STOX2: variants seen among roughly 807,000 people sequenced by gnomAD.
STOX2 encodes storkhead-box protein 2.
A neutral mutation model predicts 60.9 loss-of-function variants in STOX2; 28 were observed. That is an observed-to-expected ratio of 0.46 (90% CI 0.34 to 0.63). The LOEUF is 0.63. Among genes scored for constraint, STOX2 ranks in the 30% least tolerant of loss-of-function variants. The probability of loss-of-function intolerance (pLI) is 0.01; values close to 1 mark genes in which losing one functional copy is unlikely to be tolerated. For synonymous variants in STOX2, 472 were observed against 463.9 expected (o/e 1.02, Z -0.22); for missense variants, 1,024 against 1,187.7 (o/e 0.86, Z 2.03).
intron 1 of STOX2, among the ~76,000 whole-genome samples, chr4:183,803,309 C>G (rs1738810433): frequency 6.6e-6 from 1 of 152,040 alleles, no homozygotes; most frequent in South Asian, 2.1e-4. Flanking sequence ...CTCCTGGCCT[C>G]AAGCAGTCCT....
intron 1 of STOX2, among the ~76,000 whole-genome samples, chr4:183,846,862 G>A (rs1740002482): frequency 1.3e-5 from 2 of 151,648 alleles, no homozygotes; most frequent in South Asian, 4.2e-4. Flanking sequence ...TTTGAATATT[G>A]TAATGTGATA....
At position 183,895,477 on chromosome 4, in the gene STOX2, A is replaced by T. The variant is rs182236485; in HGVS notation, c.364+97422A>T. 1.1e-3 allele frequency among the ~76,000 whole-genome samples: 174 copies of T among 152,228 alleles called. 1 individual carries two copies. The highest frequency in any genetic ancestry group is 3.4e-3 in the African/African-American group (142 of 41,528). The stretch of plus-strand genomic sequence containing the variant: ...AGGCACTAGGCATAAAATGATTATA[A>T]AGTGAAATCTCCCCTGGCCACCCCA... On this transcript the variant is annotated intron_variant, in intron 1 of 2. Transcript: ENST00000513034.
At chr4:183,929,368 G>A (rs1312963416) in intron 1 of STOX2, among the ~76,000 whole-genome samples, 2 of 152,316 alleles carry the variant, frequency 1.3e-5, no homozygotes, top group African/African-American at 4.8e-5. Context: ...AGATAAACGC[G>A]TTAGGAATTC....
intron 1 of STOX2, among the ~76,000 whole-genome samples, chr4:183,813,210 C>T (rs1202302948): frequency 1.3e-5 from 2 of 152,062 alleles, no homozygotes; most frequent in African/African-American, 4.8e-5. Flanking sequence ...TGGTGAAAAC[C>T]CGTCTCTACT....
intron 1 of STOX2, among the ~76,000 whole-genome samples, chr4:183,831,204 T>C (rs1316232122): frequency 6.6e-6 from 1 of 152,080 alleles, no homozygotes; most frequent in Non-Finnish European, 1.5e-5. Flanking sequence ...AGAAGACGAT[T>C]TGAAAGGCAG....
rs1734070624 is a variant in STOX2 at position 184,009,979 on chromosome 4, G to A, written c.1141G>A (p.Gly381Arg). ...TCACAGCAAGACACGGGTGTCTAAA[G>A]GAGACCCTTCCGACGGTTCACATCT... ...RSHSKTRVSK[G>R]DPSDGSHLDI... Residue 381 changes from glycine to arginine, a missense_variant, in exon 3 of 4, where the codon GGA becomes AGA. This residue lies in a region of STOX2 where 922 missense variants were observed against 1,058.3 expected (regional missense o/e 0.87). Coordinates refer to ENST00000308497, the MANE Select transcript of STOX2 (RefSeq NM_020225.3). The surrounding 1 kb of genome is among the most constrained non-coding windows in gnomAD (Gnocchi z 4.0). 6.2e-7 allele frequency: 1 copy of A among 1,613,932 alleles called. No individual in the cohort carries two copies. The highest frequency in any genetic ancestry group is 2.2e-5 in the East Asian group (1 of 44,884).
chr4:183,904,764 G>T (rs1741541844), upstream of STOX2, among the ~76,000 whole-genome samples: 1 of 152,188 alleles, frequency 6.6e-6, no homozygotes, highest in Non-Finnish European at 1.5e-5. Context: ...ATCCTGCTCT[G>T]CCTGGTTCTT....
At chr4:183,844,482 A>G (rs556379250) in intron 1 of STOX2, among the ~76,000 whole-genome samples, 34 of 152,234 alleles carry the variant, frequency 2.2e-4, no homozygotes, top group Non-Finnish European at 4.4e-4. Flanking sequence ...AAATGGAGTC[A>G]CCTCTTTTTC....
chr4:183,838,278 T>A (rs939449060), intron 1 of STOX2, among the ~76,000 whole-genome samples: 36 of 150,848 alleles, frequency 2.4e-4, no homozygotes, highest in African/African-American at 8.3e-4. Flanking sequence ...TATATTGAAA[T>A]ACTTAAATAA....
At chr4:183,870,636 T>C (rs564039418) in intron 1 of STOX2, among the ~76,000 whole-genome samples, 8 of 152,322 alleles carry the variant, frequency 5.3e-5, no homozygotes, top group Non-Finnish European at 7.4e-5. Flanking sequence ...AGAATGAGAG[T>C]ACAATATACT....
chr4:183,964,730 A>C (rs1020767463), intron 1 of STOX2, among the ~76,000 whole-genome samples: 10 of 152,082 alleles, frequency 6.6e-5, no homozygotes, highest in African/African-American at 9.7e-5. Context: ...TTACAGGTGC[A>C]TGCCACCATG....
chr4:183,842,266 C>A (rs1248752329), intron 1 of STOX2, among the ~76,000 whole-genome samples: 1 of 152,124 alleles, frequency 6.6e-6, no homozygotes, highest in Non-Finnish European at 1.5e-5. Context: ...TTACTAGTTC[C>A]ATACGACGTG....
At chr4:183,952,586 G>T (rs1743125918) in intron 1 of STOX2, among the ~76,000 whole-genome samples, 1 of 152,204 alleles carries the variant, frequency 6.6e-6, no homozygotes, top group South Asian at 2.1e-4. Context: ...GAAATAGAAA[G>T]AACAGAATAA....
intron 1 of STOX2, among the ~76,000 whole-genome samples, chr4:183,884,979 C>A (rs927084499): frequency 6.6e-6 from 1 of 152,168 alleles, no homozygotes; most frequent in Non-Finnish European, 1.5e-5. Flanking sequence ...GCGTCGCGTC[C>A]CCGTCGCCAC....
In STOX2 at chr4:183,906,422, C is replaced by T. The variant is rs550197257; in HGVS notation, c.-369C>T. 2.7e-3 allele frequency: 498 copies of T among 182,918 alleles called. 1 individual carries two copies. The highest frequency in any genetic ancestry group is 0.011 in the African/African-American group (473 of 42,550). The allele number at this position is 182,918 out of a possible 1,614,324, so 11.3% of individuals were successfully genotyped here. ...GCGCTGAATCGGGCCATTGTCTGCG[C>T]TCCCATTGCCTTCACGCTGCAAGTC... On this transcript the variant is annotated 5_prime_UTR_variant, in exon 1 of 4. Coordinates refer to ENST00000308497, the MANE Select transcript of STOX2 (RefSeq NM_020225.3).
In STOX2 at chr4:183,955,472, T is replaced by C. The variant is rs28528783; in HGVS notation, c.167-45853T>C. 8.3e-3 allele frequency among the ~76,000 whole-genome samples: 1,260 copies of C among 152,318 alleles called. 16 individuals are homozygous for C. The highest frequency in any genetic ancestry group is 0.028 in the African/African-American group (1,157 of 41,560). Reference sequence around the variant, plus strand: ...CCAAGTACTCTAGTATCTCAGGCAATCTAGGTATTCCTCCCTGTTCTTGGA... The same window carrying C: ...CCAAGTACTCTAGTATCTCAGGCAACCTAGGTATTCCTCCCTGTTCTTGGA... On this transcript the variant is annotated intron_variant, in intron 1 of 3. Coordinates refer to ENST00000308497, the MANE Select transcript of STOX2 (RefSeq NM_020225.3).
In STOX2 at chr4:183,856,998, GGGAGGGGTTT is replaced by G. The variant is rs571508832; in HGVS notation, c.364+58959_364+58968del. On this transcript the variant is annotated intron_variant, in intron 1 of 2. Coordinates refer to the STOX2 transcript ENST00000513034. This position sits in a 1 kb window ranked among gnomAD's most constrained non-coding sequence, Gnocchi z 4.0. Reference sequence around the variant, plus strand: ...TAGATTAAATTGTGTGGTAGAGGCTGGGAGGGGTTTGGAGGGGTTTGGAGGACAGGAAGTT... The same window carrying G: ...TAGATTAAATTGTGTGGTAGAGGCTGGGAGGGGTTTGGAGGACAGGAAGTT... 7.1e-3 allele frequency among the ~76,000 whole-genome samples: 1,088 copies of G among 152,278 alleles called. 10 individuals carry two copies. The highest frequency in any genetic ancestry group is 0.025 in the African/African-American group (1,037 of 41,532).
At chr4:183,835,073 A>T (rs1247687825) in intron 1 of STOX2, among the ~76,000 whole-genome samples, 2 of 152,022 alleles carry the variant, frequency 1.3e-5, no homozygotes, top group Non-Finnish European at 2.9e-5. Context: ...GTGAGATTGA[A>T]TTCTAGCTCC....
chr4:183,975,285 A>G (rs1052925305), intron 1 of STOX2, among the ~76,000 whole-genome samples: 1 of 152,140 alleles, frequency 6.6e-6, no homozygotes, highest in African/African-American at 2.4e-5. Context: ...AGAAACTAGA[A>G]AAAGAAGAGC....
Sources: gnomAD v4.1 joint callset for allele counts (sites outside exome capture counted in the v4.1 genomes callset) on GRCh38, gnomAD v4.1.1 for gene constraint, gnomAD v4.1.1 regional missense constraint, Gnocchi (gnomAD v3.1) non-coding constraint, MANE v1.5 for transcripts, NCBI Gene and HGNC (gene_info 2026-07-23, HGNC 2026-07-21) for gene names.